PPT1: variants seen among roughly 807,000 people sequenced by gnomAD.
The protein encoded by PPT1 is ceroid-palmitoyl-palmitoyl-protein thioesterase 1.
PPT1 carries 24 observed loss-of-function variants against 44.0 expected under a neutral mutation model. The ratio of observed to expected loss-of-function variants is 0.54; its 90% CI spans 0.39 to 0.77. The LOEUF (loss-of-function observed/expected upper bound fraction) is 0.77, where lower values mean the gene tolerates loss of function less well. Among genes scored for constraint, PPT1 ranks in the 30% least tolerant of loss-of-function variants. The pLI, the probability that PPT1 is intolerant of heterozygous loss-of-function variation, is 0.00. For synonymous variants in PPT1, 148 were observed against 140.2 expected (o/e 1.06, Z -0.39); for missense variants, 341 against 378.8 (o/e 0.90, Z 0.83).
intron 7 of PPT1, 112 bp from the exon 8 acceptor site, chr1:40,077,025 C>A: frequency 7.6e-7 from 1 of 1,319,394 alleles, no homozygotes. Context: ...CATCATAAAG[C>A]TGTAGGAAGA....
chr1:40,074,433 T>G lies in PPT1; in HGVS notation c.799-250A>C, dbSNP rs201801086. Reference sequence around the variant, plus strand: ...TCCCCCTCCTCCTGTCCCCCCCGCTTCTTCTTCTTCTTCCTCTCTCTCTCT... The same window carrying G: ...TCCCCCTCCTCCTGTCCCCCCCGCTGCTTCTTCTTCTTCCTCTCTCTCTCT... On this transcript the variant is annotated intron_variant, in intron 8 of 8. Transcript: ENST00000642050. Among the ~76,000 whole-genome samples the G allele has an allele frequency of 3.1e-4, 33 of 107,992 alleles. No individual in the cohort carries two copies. In the East Asian group the frequency reaches 4.2e-3, roughly 14 times the overall value. 70.8% of individuals were successfully genotyped at this position (107,992 alleles called of 152,430 possible). A position where few individuals can be genotyped will look rare whatever the true frequency, so the allele number is the denominator to read the frequency against.
At chr1:40,086,423 C>T (rs74419517) in intron 5 of PPT1, among the ~76,000 whole-genome samples, 1,970 of 152,322 alleles carry the variant, frequency 0.013, 24 homozygotes, top group Non-Finnish European at 0.019. Context: ...AGTTACTGTG[C>T]GTATTAGGAT....
At chr1:40,087,165 ATTC>A (rs1649305366) in intron 5 of PPT1, among the ~76,000 whole-genome samples, 1 of 152,068 alleles carries the variant, frequency 6.6e-6, no homozygotes, top group Non-Finnish European at 1.5e-5. Context: ...ATCACTTTTT[ATTC>A]TTCTGCTACC....
intron 6 of PPT1, among the ~76,000 whole-genome samples, chr1:40,079,594 C>T (rs1648818264): frequency 6.6e-6 from 1 of 152,070 alleles, no homozygotes; most frequent in South Asian, 2.1e-4. Context: ...CAGGGTTTCA[C>T]TATGCTGGCC....
rs559580128 is a variant in PPT1, at chr1:40,076,908, A to G, written c.732T>C (p.Phe244=). Residue 244 remains phenylalanine (F), a synonymous_variant, in exon 8 of 9, where the codon TTT becomes TTC. Transcript: ENST00000642050. ...SIVDPVDSEW[F]GFYRSGQAKE... Reference sequence around the variant, plus strand: ...TGGCTTGGCCACTTCTGTAAAATCCAAACCACTGCAGAAGAAGCAAAGGAA... The same window carrying G: ...TGGCTTGGCCACTTCTGTAAAATCCGAACCACTGCAGAAGAAGCAAAGGAA... 30 of 1,614,068 alleles carry G rather than the reference A, an allele frequency of 1.9e-5. No individual in the cohort carries two copies. Among genetic ancestry groups the G allele is most frequent in the Non-Finnish European group, 2.5e-5 (29 of 1,180,018 alleles).
At chr1:40,072,252 G>GAAAA (rs61352266), downstream of PPT1, 4 of 160,724 alleles carry the variant, frequency 2.5e-5, no homozygotes, top group African/African-American at 9.9e-5. Flanking sequence ...ACTTTAAAAG[G>GAAAA]AAAAAAAAAA....
intron 5 of PPT1, 115 bp downstream of exon 5, chr1:40,089,295 A>AAAAAAAAAAAAAAT: frequency 3.3e-6 from 2 of 605,578 alleles, no homozygotes; most frequent in Non-Finnish European, 5.9e-6. Flanking sequence ...TCAAAAAAAA[A>AAAAAAAAAAAAAAT]GATCTCATTT....
intron 1 of PPT1, among the ~76,000 whole-genome samples, chr1:40,093,742 G>A (rs570649781): frequency 6.3e-5 from 8 of 126,492 alleles, no homozygotes; most frequent in Middle Eastern, 3.7e-3. Flanking sequence ...AAAATTAGCC[G>A]GGTGTGGTGG....
At position 40,079,157 on chromosome 1, in the gene PPT1, C is replaced by T. The variant is rs543293091; in HGVS notation, c.628-499G>A. 9.3e-4 allele frequency among the ~76,000 whole-genome samples: 141 copies of T among 152,258 alleles called. 1 individual carries two copies. The highest frequency in any genetic ancestry group is 3.2e-3 in the African/African-American group (135 of 41,556). On this transcript the variant is annotated intron_variant, in intron 6 of 8. Transcript: ENST00000642050. ...ACGGCCTCCAGCTGCATCCATGTTGCTGCAAAGAACAGGATTTCATTCTTT... is the reference window on the plus strand; with the variant it reads ...ACGGCCTCCAGCTGCATCCATGTTGTTGCAAAGAACAGGATTTCATTCTTT...
At chr1:40,085,003 G>C (rs1054906399) in intron 5 of PPT1, among the ~76,000 whole-genome samples, 6 of 152,142 alleles carry the variant, frequency 3.9e-5, no homozygotes, top group African/African-American at 1.2e-4. Context: ...GGGAAAGGGA[G>C]TCTCCCTTTC....
At chr1:40,090,843 AT>A (rs1453256136) in intron 4 of PPT1, among the ~76,000 whole-genome samples, 1 of 54,844 alleles carries the variant, frequency 1.8e-5, no homozygotes, top group Non-Finnish European at 4.4e-5. Flanking sequence ...AGCTATACCC[AT>A]CAACAACAGA....
intron 4 of PPT1, among the ~76,000 whole-genome samples, chr1:40,090,079 T>A (rs904059089): frequency 6.6e-6 from 1 of 152,206 alleles, no homozygotes; most frequent in Non-Finnish European, 1.5e-5. Context: ...CACAGGCAGT[T>A]TGGCCCCAGA....
chr1:40,087,548 C>T (rs1415759859), intron 5 of PPT1, among the ~76,000 whole-genome samples: 1 of 151,972 alleles, frequency 6.6e-6, no homozygotes, highest in Non-Finnish European at 1.5e-5. Context: ...CCGCCTTAAT[C>T]AGTATTTAGG....
At position 40,080,440 on chromosome 1, in the gene PPT1, T is replaced by C. The variant is rs143533115; in HGVS notation, c.584A>G (p.Tyr195Cys). Reference sequence around the variant, plus strand: ...TGCCAAGAAGATGCTGTGGTTGCGATACACATCCTCCTTTATGGGGTCATG... The same window carrying C: ...TGCCAAGAAGATGCTGTGGTTGCGACACACATCCTCCTTTATGGGGTCATG... ...YWHDPIKEDV[Y>C]RNHSIFLADI... Residue 195 changes from tyrosine to cysteine, a missense_variant, in exon 6 of 9, where the codon TAT becomes TGT. Coordinates refer to ENST00000642050, the MANE Select transcript of PPT1 (RefSeq NM_000310.4). 6.2e-7 allele frequency: 1 copy of C among 1,614,048 alleles called. No homozygotes were observed. Among genetic ancestry groups the C allele is most frequent in the Non-Finnish European group, 8.5e-7 (1 of 1,179,998 alleles).
chr1:40,091,237 T>C (rs757296182), intron 4 of PPT1, 92 bp downstream of exon 4: 62 of 1,300,802 alleles, frequency 4.8e-5, no homozygotes, highest in Non-Finnish European at 5.6e-5. Context: ...ATGGCTGATG[T>C]CTTGTGCAAA....
intron 2 of PPT1, 74 bp downstream of exon 2, chr1:40,092,324 G>C: frequency 6.5e-7 from 1 of 1,526,722 alleles, no homozygotes; most frequent in African/African-American, 1.4e-5. Context: ...AAAACACAAG[G>C]CAAAGCATTT....
intron 3 of PPT1, among the ~76,000 whole-genome samples, 164 bp downstream of exon 3, chr1:40,091,881 A>G (rs865879443): frequency 9.3e-5 from 14 of 150,474 alleles, no homozygotes; most frequent in Admixed American, 2.0e-4. Context: ...AAAAAAAAAA[A>G]GAAAAGAAAT....
intron 3 of PPT1, among the ~76,000 whole-genome samples, 180 bp downstream of exon 3, chr1:40,091,865 C>CAA (rs11308805): frequency 3.2e-4 from 31 of 96,950 alleles, no homozygotes; most frequent in African/African-American, 1.0e-3. Context: ...AATTCTGTCT[C>CAA]AAAAAAAAAA....
At chr1:40,076,375 G>T (rs1160357739) in intron 8 of PPT1, among the ~76,000 whole-genome samples, 1 of 151,954 alleles carries the variant, frequency 6.6e-6, no homozygotes, top group Non-Finnish European at 1.5e-5. Context: ...TGAGGCAGGA[G>T]AATTGCTTGA....
Sources: gnomAD v4.1 joint callset for allele counts (sites outside exome capture counted in the v4.1 genomes callset) on GRCh38, gnomAD v4.1.1 for gene constraint, MANE v1.5 for transcripts, NCBI Gene and HGNC (gene_info 2026-07-23, HGNC 2026-07-21) for gene names.